Variants in CNTNAP2 observed in about 807,000 individuals in gnomAD.
CNTNAP2 encodes contactin-associated protein-like 2.
In CNTNAP2, 98 loss-of-function variants were observed where a neutral mutation model predicts 155.2. The ratio of observed to expected loss-of-function variants is 0.63; its 90% CI spans 0.54 to 0.75. CNTNAP2 has a LOEUF of 0.75. Among genes scored for constraint, CNTNAP2 ranks in the 30% least tolerant of loss-of-function variants. The pLI is 0.00. For synonymous variants in CNTNAP2, 651 were observed against 631.2 expected (o/e 1.03, Z -0.47); for missense variants, 1,727 against 1,688.1 (o/e 1.02, Z -0.40).
chr7:146,870,827 T>C (rs1795290933), intron 3 of CNTNAP2, among the ~76,000 whole-genome samples: 1 of 152,292 alleles, frequency 6.6e-6, no homozygotes, highest in East Asian at 1.9e-4. Context: ...TTTACTATAT[T>C]AATGCTCCTG....
At chr7:147,050,889 G>A (rs1303396179) in intron 4 of CNTNAP2, among the ~76,000 whole-genome samples, 1 of 152,080 alleles carries the variant, frequency 6.6e-6, no homozygotes, top group Non-Finnish European at 1.5e-5. Flanking sequence ...TCTCCTGGTG[G>A]TGGCCAGAAG....
At chr7:146,268,858 T>C (rs1800035296) in intron 1 of CNTNAP2, among the ~76,000 whole-genome samples, 1 of 152,174 alleles carries the variant, frequency 6.6e-6, no homozygotes. Context: ...AAGAAGATAG[T>C]TCAACATACA....
intron 21 of CNTNAP2, among the ~76,000 whole-genome samples, chr7:148,369,788 G>A (rs912362254): frequency 7.2e-5 from 11 of 151,988 alleles, no homozygotes; most frequent in Admixed American, 1.3e-4. Context: ...GGCCAAGTCC[G>A]GCTCTACGCC....
chr7:147,428,226 A>G (rs753379917), intron 10 of CNTNAP2, among the ~76,000 whole-genome samples: 48 of 152,304 alleles, frequency 3.2e-4, no homozygotes, highest in Middle Eastern at 6.8e-3. Flanking sequence ...ACTCAAACCT[A>G]CAATGAATCC....
At chr7:148,034,728 G>A (rs1408042062) in intron 15 of CNTNAP2, among the ~76,000 whole-genome samples, 2 of 152,298 alleles carry the variant, frequency 1.3e-5, no homozygotes, top group East Asian at 3.9e-4. Flanking sequence ...AAAATTTGGA[G>A]GAGTAGGCTG....
chr7:146,778,535 T>C (rs1802429308), intron 2 of CNTNAP2, among the ~76,000 whole-genome samples: 1 of 152,190 alleles, frequency 6.6e-6, no homozygotes, highest in Admixed American at 6.5e-5. Flanking sequence ...TATCCCCACA[T>C]TTTTAATCCA....
intron 21 of CNTNAP2, among the ~76,000 whole-genome samples, chr7:148,277,593 C>CCA (rs1554410990): frequency 6.7e-6 from 1 of 148,596 alleles, no homozygotes; most frequent in African/African-American, 2.5e-5. Flanking sequence ...AGGACCGCCC[C>CCA]CCACCACCAC....
chr7:147,537,727 C>T (rs546688473), intron 11 of CNTNAP2, among the ~76,000 whole-genome samples: 40 of 152,218 alleles, frequency 2.6e-4, no homozygotes, highest in African/African-American at 8.2e-4. Flanking sequence ...CAAAGAAACG[C>T]ACATCTTTTA....
chr7:148,249,572 A>T (rs898987597), intron 20 of CNTNAP2, among the ~76,000 whole-genome samples: 10 of 152,164 alleles, frequency 6.6e-5, no homozygotes, highest in African/African-American at 2.4e-4. Context: ...ACTCCCAGAT[A>T]TCTAACTGAT....
intron 20 of CNTNAP2, among the ~76,000 whole-genome samples, chr7:148,259,513 A>G (rs1796518043): frequency 6.6e-6 from 1 of 152,258 alleles, no homozygotes; most frequent in African/African-American, 2.4e-5. Flanking sequence ...ATTAACGATT[A>G]GGAAAAACAG....
chr7:147,410,245 G>A (rs1044584485), intron 10 of CNTNAP2, among the ~76,000 whole-genome samples: 2 of 152,194 alleles, frequency 1.3e-5, no homozygotes, highest in African/African-American at 4.8e-5. Flanking sequence ...GTGGGAACAT[G>A]AATGGAGCTG....
In CNTNAP2 at chr7:147,608,491, A is replaced by G. The variant is rs184831491; in HGVS notation, c.1898-30615A>G. ...ATTTTATTTTACTTTTTGGAAAGAC[A>G]GAGTCTCACCGTGTTTCCCAGGCTG... On this transcript the variant is annotated intron_variant, in intron 12 of 23. Coordinates refer to ENST00000361727, the MANE Select transcript of CNTNAP2 (RefSeq NM_014141.6). Among the ~76,000 whole-genome samples the G allele has an allele frequency of 2.7e-3, 418 of 152,148 alleles. 8 individuals carry two copies. Among genetic ancestry groups the G allele is most frequent in the African/African-American group, 9.5e-3 (395 of 41,490 alleles).
intron 3 of CNTNAP2, among the ~76,000 whole-genome samples, chr7:146,959,706 C>T (rs1483790054): frequency 2.4e-5 from 3 of 123,414 alleles, no homozygotes; most frequent in East Asian, 2.4e-4. Context: ...GGCATCACAG[C>T]GAGTCTCAAA....
At chr7:147,219,337 C>T (rs1803344386) in intron 8 of CNTNAP2, among the ~76,000 whole-genome samples, 1 of 152,130 alleles carries the variant, frequency 6.6e-6, no homozygotes, top group Admixed American at 6.5e-5. Flanking sequence ...GTCCCAAAAC[C>T]TCAAAAGCAG....
At chr7:146,186,597 T>C (rs1414167212) in intron 1 of CNTNAP2, among the ~76,000 whole-genome samples, 1 of 152,194 alleles carries the variant, frequency 6.6e-6, no homozygotes, top group Non-Finnish European at 1.5e-5. Flanking sequence ...CTTGGTGTAT[T>C]ATGTATTTCA....
intron 10 of CNTNAP2, among the ~76,000 whole-genome samples, chr7:147,470,923 A>G (rs1265604013): frequency 2.6e-5 from 4 of 152,156 alleles, no homozygotes; most frequent in Non-Finnish European, 5.9e-5. Context: ...CCGATGTTTT[A>G]TCAAAATTCA....
At chr7:148,102,680 G>A (rs930172883) in intron 15 of CNTNAP2, among the ~76,000 whole-genome samples, 1 of 152,124 alleles carries the variant, frequency 6.6e-6, no homozygotes, top group Non-Finnish European at 1.5e-5. Flanking sequence ...AGGAAGTGCC[G>A]CCATTTTGGA....
chr7:146,925,610 G>T (rs1295319486), intron 3 of CNTNAP2, among the ~76,000 whole-genome samples: 1 of 152,096 alleles, frequency 6.6e-6, no homozygotes, highest in Non-Finnish European at 1.5e-5. Context: ...AGAAGGCGGG[G>T]ATGCTAACTG....
intron 13 of CNTNAP2, among the ~76,000 whole-genome samples, chr7:147,690,115 T>A (rs1000379389): frequency 2.0e-5 from 3 of 152,118 alleles, no homozygotes; most frequent in South Asian, 4.1e-4. Flanking sequence ...TTCCAATGAT[T>A]TACAGGATAA....
Sources: allele counts gnomAD v4.1 joint callset (sites outside exome capture counted in the v4.1 genomes callset), GRCh38; gene constraint gnomAD v4.1.1; transcripts MANE v1.5; gene names NCBI Gene and HGNC (gene_info 2026-07-23, HGNC 2026-07-21).